MBNL3: variants seen among roughly 807,000 people sequenced by gnomAD.
MBNL3 encodes muscleblind like splicing regulator 3, also known as muscleblind-like protein 3.
Under a neutral mutation model 24.5 loss-of-function variants are expected in MBNL3, and 6 were observed. That is an observed-to-expected ratio of 0.25 (90% confidence interval 0.13 to 0.48). The LOEUF (loss-of-function observed/expected upper bound fraction) is 0.48, where lower values mean the gene tolerates loss of function less well. Among genes scored for constraint, MBNL3 ranks in the 20% least tolerant of loss-of-function variants. The pLI is 0.99. For synonymous variants in MBNL3, 100 were observed against 101.7 expected (o/e 0.98, Z 0.10); for missense variants, 230 against 293.5 (o/e 0.78, Z 1.58).
chrX:132,420,274 C>T (rs1052667076), intron 2 of MBNL3, among the ~76,000 whole-genome samples: 1 of 112,081 alleles, frequency 8.9e-6, no homozygotes, highest in African/African-American at 3.2e-5. Context: ...GCAATGGGTG[C>T]CTCGCTGGAT....
chrX:132,415,953 T>C (rs1312022919), intron 2 of MBNL3, among the ~76,000 whole-genome samples: 1 of 110,814 alleles, frequency 9.0e-6, no homozygotes, highest in African/African-American at 3.3e-5. Flanking sequence ...TTGGTAAGAA[T>C]GTAAATTAGC....
At chrX:132,396,016 A>ATGAT (rs1416382080) in intron 3 of MBNL3, among the ~76,000 whole-genome samples, 1 of 110,614 alleles carries the variant, frequency 9.0e-6, no homozygotes, top group Admixed American at 9.8e-5. Context: ...ACAGTTTTAA[A>ATGAT]TGATTGAAAA....
Position 132,384,780 on chromosome X carries a change from G to A in MBNL3, c.923-82C>T, listed in dbSNP as rs756588110. On this transcript the variant is annotated intron_variant, in intron 6 of 8. Coordinates refer to ENST00000370853, the MANE Select transcript of MBNL3 (RefSeq NM_001386889.1). ...TTACTGATAGAAATACATTTTAACA[G>A]AAAGATTATTTCTTTGCAATATCAA... is the stretch of plus-strand genomic sequence containing the variant. The A allele has an allele frequency of 1.5e-4, 123 of 820,413 alleles. No individual in the cohort carries two copies. The African/African-American group carries it at 2.3e-3, about 15-fold the overall frequency. The allele number at this position is 820,413 out of a possible 1,213,427, so 67.6% of individuals were successfully genotyped here. A position where few individuals can be genotyped will look rare whatever the true frequency, so the allele number is the denominator to read the frequency against.
chrX:132,474,412 T>A (rs1209624682), intron 1 of MBNL3, among the ~76,000 whole-genome samples: 1 of 111,787 alleles, frequency 8.9e-6, no homozygotes, highest in Non-Finnish European at 1.9e-5. Context: ...TTAAAAATAA[T>A]CCTATCTGTT....
intron 3 of MBNL3, among the ~76,000 whole-genome samples, chrX:132,396,257 T>C (rs1423087436): frequency 9.7e-6 from 1 of 103,377 alleles, no homozygotes; most frequent in Non-Finnish European, 2.0e-5. Context: ...TCACCGACCT[T>C]GGTTCTAAAT....
intron 1 of MBNL3, among the ~76,000 whole-genome samples, chrX:132,478,210 G>A (rs749367369): frequency 1.2e-4 from 8 of 64,830 alleles, no homozygotes; most frequent in African/African-American, 3.9e-4. Flanking sequence ...TGTTGTTGTC[G>A]TTGTTAAACA....
At chrX:132,446,708 G>A (rs1459788963) in intron 1 of MBNL3, among the ~76,000 whole-genome samples, 1 of 111,906 alleles carries the variant, frequency 8.9e-6, no homozygotes, top group Non-Finnish European at 1.9e-5. Context: ...AAGGTCGCCT[G>A]TTCACTCTGA....
At chrX:132,432,705 G>A (rs761348982) in intron 2 of MBNL3, 2 of 111,460 alleles carry the variant, frequency 1.8e-5, no homozygotes, top group East Asian at 2.8e-4. Context: ...ATATTACATT[G>A]TATGTATATA....
intron 8 of MBNL3, chrX:132,381,449 G>T (rs1482775779): frequency 3.0e-6 from 3 of 997,659 alleles, no homozygotes; most frequent in Non-Finnish European, 4.2e-6. Context: ...TAGTAAAAAA[G>T]ATTTTAGATT....
At chrX:132,488,574 T>C (rs1948129923) in intron 1 of MBNL3, among the ~76,000 whole-genome samples, 1 of 108,115 alleles carries the variant, frequency 9.2e-6, no homozygotes, top group South Asian at 4.0e-4. Flanking sequence ...TTATATGCCA[T>C]GCAAGAAGTT....
chrX:132,456,169 C>T (rs1433531881), intron 1 of MBNL3, among the ~76,000 whole-genome samples: 1 of 112,142 alleles, frequency 8.9e-6, no homozygotes, highest in African/African-American at 3.2e-5. Context: ...TTGGTTTGTC[C>T]TCTCTTTTTC....
intron 4 of MBNL3, 50 bp downstream of exon 4, chrX:132,392,093 G>A (rs769582324): frequency 1.9e-6 from 2 of 1,026,775 alleles, no homozygotes; most frequent in Non-Finnish European, 2.6e-6. Flanking sequence ...TGCTTTATGT[G>A]TAAGGTTAAT....
chrX:132,413,359 T>C, intron 2 of MBNL3: 2 of 500,375 alleles, frequency 4.0e-6, no homozygotes, highest in Non-Finnish European at 6.2e-6. Flanking sequence ...TGAAAAAAAA[T>C]TTTTTAGTAT....
At chrX:132,456,308 CTAAGAG>C (rs1320985480) in intron 1 of MBNL3, among the ~76,000 whole-genome samples, 1 of 112,065 alleles carries the variant, frequency 8.9e-6, no homozygotes, top group African/African-American at 3.2e-5. Flanking sequence ...AGTAAGAATT[CTAAGAG>C]TGAGTTTAGG....
chrX:132,466,042 C>T (rs1946865468), intron 1 of MBNL3, among the ~76,000 whole-genome samples: 2 of 111,897 alleles, frequency 1.8e-5, no homozygotes, highest in South Asian at 7.3e-4. Context: ...GTTCTTATTA[C>T]AGCATTTCAT....
intron 1 of MBNL3, among the ~76,000 whole-genome samples, chrX:132,442,573 G>A (rs1945441190): frequency 8.9e-6 from 1 of 112,071 alleles, no homozygotes; most frequent in Non-Finnish European, 1.9e-5. Flanking sequence ...ATCTATACAA[G>A]ATCTGCTCAA....
chrX:132,482,451 G>A (rs1947789850), intron 1 of MBNL3, among the ~76,000 whole-genome samples: 1 of 111,435 alleles, frequency 9.0e-6, no homozygotes. Context: ...TCATTTAGAT[G>A]GGTAACACTG....
rs371081539 is a variant in MBNL3 at position 132,383,287 on chromosome X, T to C, written c.959-1015A>G. Among the ~76,000 whole-genome samples the C allele has an allele frequency of 2.8e-3, 315 of 112,370 alleles. 4 individuals carry two copies. Among genetic ancestry groups the C allele is most frequent in the Non-Finnish European group, 4.7e-3 (249 of 53,248 alleles). On this transcript the variant is annotated intron_variant, in intron 7 of 8. Coordinates refer to ENST00000370853, the MANE Select transcript of MBNL3 (RefSeq NM_001386889.1). ...CTGAAAATGTACCCCAAATGGTGAT[T>C]AACAGAAACTCCATAGTTATCCCTT...
intron 1 of MBNL3, among the ~76,000 whole-genome samples, chrX:132,477,499 A>G (rs1947503134): frequency 8.9e-6 from 1 of 111,848 alleles, no homozygotes; most frequent in Non-Finnish European, 1.9e-5. Flanking sequence ...AAAGAATTCA[A>G]TATGTCCCAG....
Sources: gnomAD v4.1 joint callset for allele counts (sites outside exome capture counted in the v4.1 genomes callset) on GRCh38, gnomAD v4.1.1 for gene constraint, MANE v1.5 for transcripts, NCBI Gene and HGNC (gene_info 2026-07-23, HGNC 2026-07-21) for gene names.